ZNF718: variants seen among roughly 807,000 people sequenced by gnomAD.
ZNF718 encodes zinc finger protein 718.
ZNF718 carries 3 observed loss-of-function variants against 2.6 expected under a neutral mutation model. The ratio of observed to expected loss-of-function variants is 1.16; its 90% CI spans 0.53 to 3.01. The LOEUF is 3.01. Ranked by LOEUF, ZNF718 falls within the 30% of genes most tolerant of loss-of-function variation. The pLI is 0.03. For missense variants in ZNF718, 468 were observed against 230.0 expected (o/e 2.03, Z -6.69); for synonymous variants, 135 against 77.9 (o/e 1.73, Z -3.86).
At chr4:145,052 G>A (rs1553810997) in intron 3 of ZNF718, among the ~76,000 whole-genome samples, 1 of 151,666 alleles carries the variant, frequency 6.6e-6, no homozygotes, top group African/African-American at 2.4e-5. Context: ...TTCCCAGTGT[G>A]GGAATAATGA....
downstream of ZNF718, among the ~76,000 whole-genome samples, chr4:169,008 C>T (rs527925766): frequency 6.6e-6 from 1 of 152,286 alleles, no homozygotes. Context: ...AAATTTCCCT[C>T]CACACACTGC....
At chr4:142,886 C>A (rs1715875590) in intron 3 of ZNF718, among the ~76,000 whole-genome samples, 1 of 151,930 alleles carries the variant, frequency 6.6e-6, no homozygotes, top group Non-Finnish European at 1.5e-5. Context: ...TTTATGGAAA[C>A]CTTGAGTAAG....
intron 3 of ZNF718, among the ~76,000 whole-genome samples, chr4:189,307 C>T (rs1282629123): frequency 6.6e-6 from 1 of 151,994 alleles, no homozygotes; most frequent in African/African-American, 2.4e-5. Flanking sequence ...TTTCCTTATA[C>T]AGTTTTAAAA....
chr4:138,457 G>A (rs1012505963), intron 3 of ZNF718, among the ~76,000 whole-genome samples: 2 of 152,008 alleles, frequency 1.3e-5, no homozygotes, highest in Non-Finnish European at 2.9e-5. Flanking sequence ...GAAGATGATG[G>A]GATCTTGTTC....
At chr4:187,750 G>T (rs1553820628) in intron 3 of ZNF718, among the ~76,000 whole-genome samples, 1 of 152,022 alleles carries the variant, frequency 6.6e-6, no homozygotes, top group Admixed American at 6.5e-5. Flanking sequence ...GAGGAGTCTG[G>T]CTGTGTTTTG....
At chr4:133,199 T>A (rs1406162573) in intron 3 of ZNF718, among the ~76,000 whole-genome samples, 1,747 of 16,536 alleles carry the variant, frequency 0.11, 183 homozygotes, top group Admixed American at 0.15. Flanking sequence ...AAAAAAAATA[T>A]ATATATATAT....
chr4:202,144 A>G (rs1381592753), exon 5 of ZNF718: 2 of 152,180 alleles, frequency 1.3e-5, no homozygotes, highest in Non-Finnish European at 1.5e-5. Context: ...ATAAGTCTCA[A>G]TAGTTCTGAT....
intron 1 of ZNF718, among the ~76,000 whole-genome samples, chr4:125,594 G>A (rs1553807858): frequency 4.6e-5 from 7 of 152,212 alleles, no homozygotes; most frequent in Non-Finnish European, 1.5e-5. Context: ...CCTGGTGTCC[G>A]CAGGAGGCGC....
In ZNF718 at chr4:144,666, CTT is replaced by C. The variant is rs1189294382; in HGVS notation, c.226+13162_226+13163del. On this transcript the variant is annotated intron_variant, in intron 3 of 3. Transcript: ENST00000510175. ...ATAAAATATCTTTCCTTTTTTTTCTCTTGTTTAATTTCTTGCATCGATGTTTT... is the reference window on the plus strand; with the variant it reads ...ATAAAATATCTTTCCTTTTTTTTCTCGTTTAATTTCTTGCATCGATGTTTT... 2.0e-5 allele frequency among the ~76,000 whole-genome samples: 3 copies of C among 151,660 alleles called. No individual in the cohort carries two copies. The South Asian group carries it at 6.2e-4, about 32-fold the overall frequency.
At chr4:193,806 G>A (rs941653980) in intron 3 of ZNF718, among the ~76,000 whole-genome samples, 1 of 152,182 alleles carries the variant, frequency 6.6e-6, no homozygotes, top group African/African-American at 2.4e-5. Flanking sequence ...CAGTCCTGCT[G>A]CTGGATCATC....
intron 3 of ZNF718, among the ~76,000 whole-genome samples, chr4:151,460 TTTTTG>T (rs373021815): frequency 0.77 from 115,304 of 149,148 alleles, 44,931 homozygotes; most frequent in East Asian, 0.96. Context: ...GAGTAATGTT[TTTTTG>T]TTTTGTTTTG....
chr4:140,844 T>C (rs1010057318), intron 3 of ZNF718, among the ~76,000 whole-genome samples: 1 of 152,236 alleles, frequency 6.6e-6, no homozygotes, highest in Non-Finnish European at 1.5e-5. Flanking sequence ...TTCAAGTTCA[T>C]GTGACTTAAA....
At chr4:126,829 CTTT>C (rs568758270) in intron 1 of ZNF718, among the ~76,000 whole-genome samples, 2 of 141,668 alleles carry the variant, frequency 1.4e-5, no homozygotes, top group Non-Finnish European at 1.5e-5. Flanking sequence ...TAATTTTTCT[CTTT>C]TTTTTTTTTT....
At chr4:156,300 G>T (rs1716564905) in intron 3 of ZNF718, among the ~76,000 whole-genome samples, 1 of 152,030 alleles carries the variant, frequency 6.6e-6, no homozygotes, top group Non-Finnish European at 1.5e-5. Context: ...TTGTATACTT[G>T]CTCTGTTTGT....
chr4:130,915 G>T lies in ZNF718; in HGVS notation c.130+1G>T. On this transcript the variant is annotated splice_donor_variant, in intron 2 of 3. Coordinates refer to ENST00000510175, the MANE Select transcript of ZNF718 (RefSeq NM_001039127.6). LOFTEE classifies it high-confidence loss of function. ...AACTACAGAAACCTGGTCTCCCTGG[G>T]TAAGGATAACTTTAATATGTAATTC... 2 of 344,706 alleles carry T rather than the reference G, an allele frequency of 5.8e-6. 1 individual carries two copies. The highest frequency in any genetic ancestry group is 1.0e-5 in the Non-Finnish European group (2 of 191,568). The allele number at this position is 344,706 out of a possible 1,614,324, so 21.4% of individuals were successfully genotyped here.
At chr4:137,987 A>G (rs1553809645) in intron 3 of ZNF718, among the ~76,000 whole-genome samples, 3 of 152,238 alleles carry the variant, frequency 2.0e-5, no homozygotes, top group African/African-American at 4.8e-5. Context: ...GTTTTTGTAT[A>G]TGGTTCAGGA....
At chr4:196,478 G>C (rs1216820917) in intron 3 of ZNF718, among the ~76,000 whole-genome samples, 1 of 152,172 alleles carries the variant, frequency 6.6e-6, no homozygotes, top group East Asian at 1.9e-4. Flanking sequence ...GTGCCTAGGA[G>C]GCAGGGATCA....
intron 3 of ZNF718, among the ~76,000 whole-genome samples, chr4:187,182 G>A (rs985712783): frequency 4.0e-5 from 6 of 151,826 alleles, no homozygotes; most frequent in African/African-American, 1.5e-4. Context: ...GTCCACTCCA[G>A]GCTTGGTTTT....
At chr4:198,156 A>T (rs1260010333) in intron 3 of ZNF718, among the ~76,000 whole-genome samples, 2 of 152,134 alleles carry the variant, frequency 1.3e-5, no homozygotes, top group Non-Finnish European at 2.9e-5. Context: ...GAGGCTGATC[A>T]TGGCTCATGA....
Sources: allele counts gnomAD v4.1 joint callset (sites outside exome capture counted in the v4.1 genomes callset), GRCh38; gene constraint gnomAD v4.1.1; transcripts MANE v1.5; gene names NCBI Gene and HGNC (gene_info 2026-07-23, HGNC 2026-07-21).